Variants in PTPN11 observed in about 807,000 individuals in gnomAD.
The protein encoded by PTPN11 is tyrosine-protein phosphatase non-receptor type 11.
PTPN11 carries 6 observed loss-of-function variants against 78.8 expected under a neutral mutation model. The ratio of observed to expected loss-of-function variants is 0.08; its 90% CI spans 0.04 to 0.15. The LOEUF (loss-of-function observed/expected upper bound fraction) is 0.15, where lower values mean the gene tolerates loss of function less well. Among genes scored for constraint, PTPN11 ranks in the 10% least tolerant of loss-of-function variants. The probability of loss-of-function intolerance (pLI) is 1.00; values close to 1 mark genes in which losing one functional copy is unlikely to be tolerated. For synonymous variants in PTPN11, 221 were observed against 263.5 expected (o/e 0.84, Z 1.56); for missense variants, 386 against 744.8 (o/e 0.52, Z 5.61).
chr12:112,491,906 C>G (rs773477259), intron 13 of PTPN11, among the ~76,000 whole-genome samples: 1 of 152,144 alleles, frequency 6.6e-6, no homozygotes, highest in Non-Finnish European at 1.5e-5. Flanking sequence ...GGAGCTTCGC[C>G]GTGTTGCCCC....
intron 1 of PTPN11, among the ~76,000 whole-genome samples, chr12:112,443,946 G>A (rs1004766089): frequency 1.3e-5 from 2 of 151,752 alleles, no homozygotes; most frequent in Admixed American, 6.6e-5. Flanking sequence ...AAGCCACTGC[G>A]CCTGGCCCTA....
Position 112,482,990 on chromosome 12 carries a change from T to G in PTPN11, c.1224+785T>G, listed in dbSNP as rs1011252698. 2.6e-5 allele frequency among the ~76,000 whole-genome samples: 4 copies of G among 152,298 alleles called. No individual in the cohort carries two copies. Among genetic ancestry groups the G allele is most frequent in the Admixed American group, 6.5e-5 (1 of 15,292 alleles). The stretch of plus-strand genomic sequence containing the variant: ...GATATTTGTTCAATGACCTCTTGGT[T>G]CCTGGCACCATGCTGCTTGCTGGAG... On this transcript the variant is annotated intron_variant, in intron 10 of 15. Coordinates refer to ENST00000351677, the MANE Select transcript of PTPN11 (RefSeq NM_002834.5). The surrounding 1 kb of genome is among the most constrained non-coding windows in gnomAD (Gnocchi z 4.4).
intron 7 of PTPN11, among the ~76,000 whole-genome samples, chr12:112,477,428 C>A (rs73209632): frequency 6.6e-6 from 1 of 152,150 alleles, no homozygotes; most frequent in Admixed American, 6.5e-5. Context: ...ATCCTATATA[C>A]CCATAGTATA....
intron 1 of PTPN11, among the ~76,000 whole-genome samples, chr12:112,434,321 G>A (rs2037756649): frequency 6.6e-6 from 1 of 151,790 alleles, no homozygotes; most frequent in South Asian, 2.1e-4. Context: ...TACTGATAAA[G>A]ATCTTTGGCT....
At chr12:112,425,755 G>C in intron 1 of PTPN11, among the ~76,000 whole-genome samples, 1 of 151,968 alleles carries the variant, frequency 6.6e-6, no homozygotes, top group East Asian at 1.9e-4. Flanking sequence ...TTGAGACAAG[G>C]TCTCACTCTG....
intron 13 of PTPN11, among the ~76,000 whole-genome samples, chr12:112,496,208 G>A (rs184427396): frequency 1.3e-5 from 2 of 152,190 alleles, no homozygotes; most frequent in East Asian, 3.9e-4. Flanking sequence ...TACAGCTTTG[G>A]TCACTGGGAG....
Position 112,504,919 on chromosome 12 carries a change from C to CCTTTTTCCTCTCCCTGTACTT in PTPN11, c.*32+132_*32+152dup. On this transcript the variant is annotated intron_variant, in intron 15 of 15. Coordinates refer to ENST00000351677, the MANE Select transcript of PTPN11 (RefSeq NM_002834.5). The surrounding 1 kb of genome is among the most constrained non-coding windows in gnomAD (Gnocchi z 4.7). ...ATAATTGAGTTTTACAAACCAGGCT[C>CCTTTTTCCTCTCCCTGTACTT]CTTTTTCCTCTCCCTGTACTTCTTT... 2 of 646,030 alleles carry CCTTTTTCCTCTCCCTGTACTT rather than the reference C, an allele frequency of 3.1e-6. No homozygotes were observed. The highest frequency in any genetic ancestry group is 1.9e-5 in the South Asian group (1 of 52,290). 40.0% of individuals were successfully genotyped at this position (646,030 alleles called of 1,614,324 possible).
intron 1 of PTPN11, among the ~76,000 whole-genome samples, chr12:112,424,956 T>TTGTGTGTGTGTGTGTGTG (rs34463047): frequency 1.1e-5 from 1 of 89,004 alleles, no homozygotes; most frequent in Non-Finnish European, 2.2e-5. Context: ...GTCAGGCTAA[T>TTGTGTGTGTGTGTGTGTG]TGTGTGTGTG....
chr12:112,462,654 C>A (rs899930321), intron 6 of PTPN11, among the ~76,000 whole-genome samples: 7 of 152,098 alleles, frequency 4.6e-5, no homozygotes, highest in Non-Finnish European at 7.4e-5. Context: ...ATTCCCATAT[C>A]CCACTTTTTC....
intron 13 of PTPN11, among the ~76,000 whole-genome samples, chr12:112,497,568 A>G (rs188805995): frequency 6.6e-6 from 1 of 152,316 alleles, no homozygotes; most frequent in East Asian, 1.9e-4. Flanking sequence ...AGGTTTTTTC[A>G]TACTTGTTCA....
intron 9 of PTPN11, among the ~76,000 whole-genome samples, chr12:112,480,762 C>T (rs1181476437): frequency 1.3e-5 from 2 of 152,154 alleles, no homozygotes; most frequent in Non-Finnish European, 2.9e-5. Context: ...TGTAGCTGCT[C>T]TCTTATTTCC....
intron 15 of PTPN11, among the ~76,000 whole-genome samples, chr12:112,505,262 C>T (rs545226397): frequency 4.6e-5 from 7 of 152,254 alleles, no homozygotes; most frequent in Admixed American, 2.0e-4. Context: ...ACTGGGTCAC[C>T]GACATCCCTT....
chr12:112,422,465 C>T (rs1257041935), intron 1 of PTPN11, among the ~76,000 whole-genome samples: 3 of 152,152 alleles, frequency 2.0e-5, no homozygotes, highest in African/African-American at 7.2e-5. Context: ...CTTCCTTCAG[C>T]ATGTGGTACC....
chr12:112,422,584 A>C (rs1312689139), intron 1 of PTPN11, among the ~76,000 whole-genome samples: 1 of 152,204 alleles, frequency 6.6e-6, no homozygotes. Context: ...TATCTCTTGC[A>C]GGTCAAGTAC....
intron 10 of PTPN11, among the ~76,000 whole-genome samples, chr12:112,485,798 G>A (rs1278908695): frequency 6.6e-6 from 1 of 151,952 alleles, no homozygotes; most frequent in Non-Finnish European, 1.5e-5. Flanking sequence ...CCAATATGGC[G>A]AAAGAAACCC....
chr12:112,491,062 A>G (rs1232758444), intron 13 of PTPN11, among the ~76,000 whole-genome samples: 1 of 152,226 alleles, frequency 6.6e-6, no homozygotes, highest in Non-Finnish European at 1.5e-5. Flanking sequence ...AAGAAGGATC[A>G]GTGAAAAAAA....
intron 13 of PTPN11, among the ~76,000 whole-genome samples, chr12:112,497,640 T>C (rs780832250): frequency 1.2e-4 from 18 of 152,308 alleles, no homozygotes; most frequent in Non-Finnish European, 2.6e-4. Context: ...ATTTAAGTAG[T>C]TGTGTTCCTG....
At chr12:112,470,701 C>T (rs188774033) in intron 6 of PTPN11, among the ~76,000 whole-genome samples, 12 of 152,224 alleles carry the variant, frequency 7.9e-5, no homozygotes, top group South Asian at 4.1e-4. Context: ...AATGAAGGCC[C>T]GAATGCTTTC....
intron 4 of PTPN11, among the ~76,000 whole-genome samples, chr12:112,453,986 C>T (rs761691631): frequency 2.0e-5 from 3 of 151,804 alleles, no homozygotes; most frequent in Admixed American, 1.3e-4. Context: ...TCAAGTTCGT[C>T]TATGCTTTTA....
Sources: gnomAD v4.1 joint callset for allele counts (sites outside exome capture counted in the v4.1 genomes callset) on GRCh38, gnomAD v4.1.1 for gene constraint, Gnocchi (gnomAD v3.1) non-coding constraint, MANE v1.5 for transcripts, NCBI Gene and HGNC (gene_info 2026-07-23, HGNC 2026-07-21) for gene names.